BAZ1A: variants seen among roughly 807,000 people sequenced by gnomAD.
BAZ1A encodes the protein bromodomain adjacent to zinc finger domain 1A, also known as bromodomain adjacent to zinc finger domain protein 1A.
Under a neutral mutation model 185.2 loss-of-function variants are expected in BAZ1A, and 50 were observed. That is an observed-to-expected ratio of 0.27 (90% confidence interval 0.22 to 0.34). The LOEUF is 0.34. BAZ1A is among the 10% of genes least tolerant of loss of function. BAZ1A has a pLI of 1.00. For synonymous variants in BAZ1A, 571 were observed against 615.6 expected, an observed-to-expected ratio of 0.93 and a Z score of 1.07; for missense variants, 1,356 against 1,839.9, an observed-to-expected ratio of 0.74 and a Z score of 4.81.
At chr14:34,792,969 G>A in intron 11 of BAZ1A, 48 bp from the exon 12 acceptor site, 1 of 1,518,926 alleles carries the variant, frequency 6.6e-7, no homozygotes, top group South Asian at 1.2e-5. Context: ...TTCATGTACT[G>A]AAAAAACAAC....
At chr14:34,769,899 A>G (rs1273852035) in intron 21 of BAZ1A, among the ~76,000 whole-genome samples, 3 of 152,254 alleles carry the variant, frequency 2.0e-5, no homozygotes, top group Non-Finnish European at 4.4e-5. Context: ...TAAAAGTGAC[A>G]TAGCAAATAC....
In BAZ1A at chr14:34,874,253, C is replaced by T. The variant is rs1349206139; in HGVS notation, c.113+239G>A. ...GCTAGGAGCGGTCCCCGAGGCCGGC[C>T]AGGGACCCAGCCTCCTCCGCCACTA... On this transcript the variant is annotated intron_variant, in intron 2 of 26. Coordinates refer to ENST00000360310, the MANE Select transcript of BAZ1A (RefSeq NM_013448.3). The surrounding 1 kb of genome is among the most constrained non-coding windows in gnomAD (Gnocchi z 4.7). 1 of 422,978 alleles carries T rather than the reference C, an allele frequency of 2.4e-6. No individual in the cohort carries two copies. Among genetic ancestry groups the T allele is most frequent in the Admixed American group, 4.8e-5 (1 of 20,742 alleles). 26.2% of individuals were successfully genotyped at this position (422,978 alleles called of 1,614,324 possible).
At chr14:34,836,680 C>A (rs867923583) in intron 3 of BAZ1A, among the ~76,000 whole-genome samples, 24 of 151,934 alleles carry the variant, frequency 1.6e-4, no homozygotes, top group African/African-American at 2.7e-4. Context: ...TATGCTTGGA[C>A]AATTAAGTCA....
At chr14:34,758,943 A>T in intron 24 of BAZ1A, 97 bp from the exon 25 acceptor site, 5 of 1,245,354 alleles carry the variant, frequency 4.0e-6, no homozygotes, top group Non-Finnish European at 5.6e-6. Flanking sequence ...TCCAACAGAA[A>T]ATAGACACTC....
intron 6 of BAZ1A, among the ~76,000 whole-genome samples, chr14:34,807,133 G>A (rs935006264): frequency 8.7e-5 from 13 of 149,154 alleles, no homozygotes; most frequent in East Asian, 2.0e-4. Flanking sequence ...TCTATTCTTT[G>A]TAAGCGAGAA....
Position 34,764,840 on chromosome 14 carries a change from C to T in BAZ1A, c.3643G>A (p.Asp1215Asn). 1.2e-6 allele frequency: 2 copies of T among 1,614,178 alleles called. No homozygotes were observed. Among genetic ancestry groups the T allele is most frequent in the Non-Finnish European group, 8.5e-7 (1 of 1,180,030 alleles). Residue 1215 changes from aspartate (D) to asparagine (N), a missense_variant, in exon 23 of 27, where the codon GAT becomes AAT. Asp to Asn is a conservative substitution (Grantham distance 23). Transcript: ENST00000360310. ...CCCATACTGTCTTCCACATCTTCATCACTTTCCAAGGATGGTCTCTGTCTA... is the reference window on the plus strand; with the variant it reads ...CCCATACTGTCTTCCACATCTTCATTACTTTCCAAGGATGGTCTCTGTCTA... ...SSRQRPSLES[D>N]EDVEDSMGGE...
At chr14:34,860,378 T>C (rs1248866088) in intron 3 of BAZ1A, among the ~76,000 whole-genome samples, 3 of 151,766 alleles carry the variant, frequency 2.0e-5, no homozygotes, top group African/African-American at 7.3e-5. Context: ...CATGGTGGAA[T>C]GCACCTGTAG....
chr14:34,843,447 A>G (rs987648361), intron 3 of BAZ1A, among the ~76,000 whole-genome samples: 2 of 152,170 alleles, frequency 1.3e-5, no homozygotes, highest in Non-Finnish European at 2.9e-5. Context: ...GTAGAATAAT[A>G]GGTCACATGG....
chr14:34,757,628 G>A (rs1886315705), intron 25 of BAZ1A, among the ~76,000 whole-genome samples: 2 of 151,938 alleles, frequency 1.3e-5, no homozygotes, highest in South Asian at 2.1e-4. Flanking sequence ...TCACGCCACT[G>A]CACTCCAGCC....
chr14:34,816,809 T>C (rs986447041), intron 4 of BAZ1A: 1 of 444,362 alleles, frequency 2.3e-6, no homozygotes, highest in East Asian at 7.1e-5. Context: ...TTCCAGAGAA[T>C]TTGTGATTGT....
intron 9 of BAZ1A, among the ~76,000 whole-genome samples, chr14:34,797,501 G>C (rs376509501): frequency 1.3e-5 from 2 of 152,100 alleles, no homozygotes; most frequent in South Asian, 4.1e-4. Context: ...AGAGGTTGCA[G>C]TGAACCCAGA....
chr14:34,808,361 A>C (rs1221234654), intron 5 of BAZ1A, among the ~76,000 whole-genome samples: 2 of 151,458 alleles, frequency 1.3e-5, no homozygotes, highest in Non-Finnish European at 2.9e-5. Context: ...GCTGGGCGGT[A>C]GTGGCACATG....
In BAZ1A at chr14:34,836,070, C is replaced by T. The variant is rs1190834113; in HGVS notation, c.393-9914G>A. On this transcript the variant is annotated intron_variant, in intron 3 of 26. Transcript: ENST00000360310. The stretch of plus-strand genomic sequence containing the variant: ...ATTTATATCTCAAAAATTCAATGGA[C>T]CAAAAGCAAATTATAAAACTTTCTA... 3.3e-5 allele frequency among the ~76,000 whole-genome samples: 5 copies of T among 151,628 alleles called. 1 individual carries two copies. Among genetic ancestry groups the T allele is most frequent in the African/African-American group, 1.2e-4 (5 of 41,030 alleles).
intron 25 of BAZ1A, among the ~76,000 whole-genome samples, chr14:34,755,702 T>C (rs1296841441): frequency 1.3e-5 from 2 of 151,490 alleles, no homozygotes; most frequent in Non-Finnish European, 2.9e-5. Context: ...CTTTGTTCTA[T>C]CTTTGCTATA....
chr14:34,762,164 C>G lies in BAZ1A; in HGVS notation c.3836G>C (p.Ser1279Thr), dbSNP rs1204406945. The change falls in exon 24 of 27, where the codon AGC becomes ACC. Residue 1279 changes from serine (S) to threonine (T), a missense_variant. Physicochemically the swap from Ser to Thr is moderately conservative, Grantham distance 58. Around this residue, in one of 7 missense-constraint regions of BAZ1A, gnomAD observed 309 missense variants for 355.3 expected, o/e 0.87. Coordinates refer to ENST00000360310, the MANE Select transcript of BAZ1A (RefSeq NM_013448.3). ...TTGGCCACGACTTGAGAAAGAAGAGCTAAGTTTCCCTCTTGTTTTAACTGG... is the reference window on the plus strand; with the variant it reads ...TTGGCCACGACTTGAGAAAGAAGAGGTAAGTTTCCCTCTTGTTTTAACTGG... ...RLPVKTRGKL[S>T]SSFSSRGQQQ... The G allele has an allele frequency of 6.2e-7, 1 of 1,614,170 alleles. No homozygotes were observed. Among genetic ancestry groups the G allele is most frequent in the South Asian group, 1.1e-5 (1 of 91,082 alleles).
chr14:34,772,809 C>A lies in BAZ1A; in HGVS notation c.3152+763G>T, dbSNP rs544621838. ...ACTTTGGGAGGCCGAGGCAGGGCAT[C>A]ACAAGGTCAGGAGATCAAGATCGTC... On this transcript the variant is annotated intron_variant, in intron 20 of 26. Transcript: ENST00000360310. Among the ~76,000 whole-genome samples, 53 of 152,220 alleles carry A rather than the reference C, an allele frequency of 3.5e-4. 1 individual carries two copies. The highest frequency in any genetic ancestry group is 1.2e-3 in the African/African-American group (50 of 41,542).
chr14:34,763,758 T>A (rs938522856), intron 23 of BAZ1A, among the ~76,000 whole-genome samples: 1 of 152,222 alleles, frequency 6.6e-6, no homozygotes, highest in African/African-American at 2.4e-5. Flanking sequence ...ATTTTTAAAT[T>A]AAGATATAGA....
At chr14:34,868,891 AGTATGTAT>A (rs76520086) in intron 2 of BAZ1A, among the ~76,000 whole-genome samples, 4 of 97,284 alleles carry the variant, frequency 4.1e-5, no homozygotes, top group African/African-American at 7.8e-5. Flanking sequence ...TATGTATGTA[AGTATGTAT>A]GTGTGTGTGT....
intron 3 of BAZ1A, among the ~76,000 whole-genome samples, chr14:34,858,701 T>A (rs2042722727): frequency 6.8e-6 from 1 of 147,972 alleles, no homozygotes; most frequent in African/African-American, 2.5e-5. Context: ...TAAAATAAAA[T>A]AAAATAATTA....
Sources: allele counts gnomAD v4.1 joint callset (sites outside exome capture counted in the v4.1 genomes callset), GRCh38; gene constraint gnomAD v4.1.1; regional missense constraint gnomAD v4.1.1; non-coding constraint Gnocchi (gnomAD v3.1); transcripts MANE v1.5; gene names NCBI Gene and HGNC (gene_info 2026-07-23, HGNC 2026-07-21).